BLTP1: variants seen among roughly 807,000 people sequenced by gnomAD.
BLTP1 encodes the protein fragile site-associated protein.
the BLTP1 span, chr4:122,187,974 C>T: frequency 1.3e-6 from 2 of 1,596,018 alleles, no homozygotes; most frequent in South Asian, 1.2e-5. Flanking sequence ...ACTTATACTA[C>T]AAAACCACCT....
chr4:122,198,401 G>A, the BLTP1 span: 2 of 985,242 alleles, frequency 2.0e-6, no homozygotes, highest in Non-Finnish European at 1.2e-6. Flanking sequence ...TTTTACAGGT[G>A]TATGATGGGG....
chr4:122,272,715 A>G, the BLTP1 span, among the ~76,000 whole-genome samples: 107,391 of 151,848 alleles, frequency 0.71, 38,991 homozygotes, highest in African/African-American at 0.87. Context: ...ACATTTTACC[A>G]AAATAATGAA....
chr4:122,254,993 T>G, the BLTP1 span: 4 of 1,536,282 alleles, frequency 2.6e-6, no homozygotes, highest in Non-Finnish European at 3.5e-6. Context: ...ATACAAACTT[T>G]AGTATTGAAA....
chr4:122,202,661 A>T, the BLTP1 span: 2 of 332,498 alleles, frequency 6.0e-6, no homozygotes, highest in African/African-American at 4.4e-5. Flanking sequence ...TCTTCCAGAC[A>T]TTTCCCATCT....
At chr4:122,208,404 A>T in the BLTP1 span, 1 of 985,216 alleles carries the variant, frequency 1.0e-6, no homozygotes, top group Non-Finnish European at 1.2e-6. Context: ...ATGAACAAAG[A>T]ATAGAAGTCC....
chr4:122,244,758 ATCT>A, the BLTP1 span: 1 of 471,490 alleles, frequency 2.1e-6, no homozygotes, highest in South Asian at 9.0e-5. Context: ...AACACAGGAA[ATCT>A]TCTTCAGAAG....
the BLTP1 span, chr4:122,212,148 G>A: frequency 1.3e-6 from 1 of 789,148 alleles, no homozygotes; most frequent in Non-Finnish European, 1.5e-6. Flanking sequence ...TCTGCAGGAA[G>A]TGCTGGCTGA....
chr4:122,307,330 A>G, the BLTP1 span: 1 of 275,618 alleles, frequency 3.6e-6, no homozygotes, highest in Non-Finnish European at 5.5e-6. Context: ...TTGTAGCATC[A>G]TATCAACATT....
the BLTP1 span, among the ~76,000 whole-genome samples, chr4:122,301,816 T>C: frequency 6.6e-6 from 1 of 152,170 alleles, no homozygotes; most frequent in Non-Finnish European, 1.5e-5. Flanking sequence ...ACTATATTAC[T>C]TTTAGAAGGC....
the BLTP1 span, among the ~76,000 whole-genome samples, chr4:122,166,396 C>T: frequency 1.3e-5 from 2 of 152,082 alleles, no homozygotes; most frequent in South Asian, 2.1e-4. Context: ...ATATGCGGCA[C>T]TATTTCTGAG....
chr4:122,307,745 C>T, the BLTP1 span: 2 of 985,082 alleles, frequency 2.0e-6, no homozygotes, highest in Non-Finnish European at 1.2e-6. Context: ...ATGTGGTTGC[C>T]TGCTTTCTGT....
chr4:122,262,706 G>C, the BLTP1 span: 4 of 1,511,966 alleles, frequency 2.6e-6, no homozygotes, highest in African/African-American at 2.8e-5. Context: ...AGTGGTTGTA[G>C]TTATCAGCTG....
At chr4:122,291,306 G>T in the BLTP1 span, among the ~76,000 whole-genome samples, 7 of 152,200 alleles carry the variant, frequency 4.6e-5, no homozygotes, top group Non-Finnish European at 1.0e-4. Flanking sequence ...GGGCCTGATG[G>T]CGCATAGGCA....
the BLTP1 span, chr4:122,230,184 T>A: frequency 6.2e-7 from 1 of 1,613,988 alleles, no homozygotes; most frequent in Non-Finnish European, 8.5e-7. Flanking sequence ...AGACATTTCT[T>A]AGAAACTCAT....
the BLTP1 span, chr4:122,270,951 A>C: frequency 6.8e-7 from 1 of 1,468,800 alleles, no homozygotes; most frequent in Non-Finnish European, 9.0e-7. Context: ...CCTATAAATT[A>C]ATAAAGATGT....
chr4:122,249,224 A>G, the BLTP1 span: 10 of 594,584 alleles, frequency 1.7e-5, no homozygotes, highest in Non-Finnish European at 2.1e-5. Flanking sequence ...TTTTAACTTT[A>G]TATTTTTTAG....
the BLTP1 span, chr4:122,222,054 G>A: frequency 4.2e-6 from 1 of 240,230 alleles, no homozygotes; most frequent in African/African-American, 2.3e-5. Flanking sequence ...GGAGTTCATG[G>A]AGTAGAGATA....
At chr4:122,309,465 G>C in the BLTP1 span, 1 of 1,611,640 alleles carries the variant, frequency 6.2e-7, no homozygotes, top group Non-Finnish European at 8.5e-7. Context: ...ATGAATGCCT[G>C]TGAGTATCTT....
the BLTP1 span, chr4:122,182,923 C>T: frequency 1.0e-6 from 1 of 983,726 alleles, no homozygotes; most frequent in Non-Finnish European, 1.2e-6. Context: ...CCACCTCTTT[C>T]TTGAAAGACA....
Sources: allele counts gnomAD v4.1 joint callset (sites outside exome capture counted in the v4.1 genomes callset), GRCh38; gene constraint gnomAD v4.1.1; transcripts MANE v1.5; gene names NCBI Gene and HGNC (gene_info 2026-07-23, HGNC 2026-07-21).